ADCY6: variants seen among roughly 807,000 people sequenced by gnomAD.
ADCY6 encodes adenylate cyclase 6, also known as adenylate cyclase type 6.
A neutral mutation model predicts 111.6 loss-of-function variants in ADCY6; 59 were observed. The ratio of observed to expected loss-of-function variants is 0.53; its 90% CI spans 0.43 to 0.66. The LOEUF is 0.66. ADCY6 is among the 30% of genes least tolerant of loss of function. The pLI is 0.00. For synonymous variants in ADCY6, 576 were observed against 642.9 expected, an observed-to-expected ratio of 0.90 and a Z score of 1.57; for missense variants, 1,242 against 1,595.6, an observed-to-expected ratio of 0.78 and a Z score of 3.78.
chr12:48,784,409 C>T (rs1466503501), intron 1 of ADCY6, among the ~76,000 whole-genome samples: 1 of 152,030 alleles, frequency 6.6e-6, no homozygotes, highest in Non-Finnish European at 1.5e-5. Context: ...GAGAGAACCA[C>T]GATTCTAAAC....
chr12:48,778,178 C>T lies in ADCY6; in HGVS notation c.944G>A (p.Arg315His), dbSNP rs755215959. 8 of 1,613,968 alleles carry T rather than the reference C, an allele frequency of 5.0e-6. No homozygotes were observed. The highest frequency in any genetic ancestry group is 1.7e-5 in the Admixed American group (1 of 60,000). The change falls in exon 3 of 22, where the codon CGC becomes CAC. Residue 315 changes from arginine (R) to histidine (H), a missense_variant. This residue lies in a region of ADCY6 where 260 missense variants were observed against 414.6 expected (regional missense o/e 0.63). Transcript: ENST00000357869. ...ACCGCGGGTCTCCTGAAAGGCCTGG[C>T]GCTGAGACACCTCTGCTGGATAGTG... ...CTHYPAEVSQ[R>H]QAFQETRGYI...
intron 1 of ADCY6, among the ~76,000 whole-genome samples, chr12:48,788,276 C>T (rs1942018014): frequency 1.3e-5 from 2 of 152,162 alleles, no homozygotes; most frequent in South Asian, 4.1e-4. Flanking sequence ...CCCACCAGGT[C>T]CCTCCAGCTC....
At chr12:48,789,385 T>C (rs1942043643), upstream of ADCY6, among the ~76,000 whole-genome samples, 1 of 151,832 alleles carries the variant, frequency 6.6e-6, no homozygotes, top group Non-Finnish European at 1.5e-5. Context: ...CCCCTTCCCT[T>C]CACCCCGGCC....
Position 48,771,385 on chromosome 12 carries a change from C to A in ADCY6, c.3051+325G>T. The stretch of plus-strand genomic sequence containing the variant: ...TTTCTCTATTCAGAGGACCATCTTG[C>A]TTGGTTGGTCTCATGAGGTTCTGTC... On this transcript the variant is annotated intron_variant, in intron 19 of 21. Coordinates refer to ENST00000357869, the MANE Select transcript of ADCY6 (RefSeq NM_015270.5). This position sits in a 1 kb window ranked among gnomAD's most constrained non-coding sequence, Gnocchi z 4.3. 2.0e-6 allele frequency: 1 copy of A among 510,370 alleles called. No homozygotes were observed. The highest frequency in any genetic ancestry group is 3.6e-6 in the Non-Finnish European group (1 of 279,408). The allele number at this position is 510,370 out of a possible 1,614,324, so 31.6% of individuals were successfully genotyped here. A position where few individuals can be genotyped will look rare whatever the true frequency, so the allele number is the denominator to read the frequency against.
chr12:48,775,993 C>A lies in ADCY6; in HGVS notation c.1776G>T (p.Arg592=), dbSNP rs748056018. The change falls in exon 9 of 22, where the codon CGG becomes CGT. Residue 592 remains arginine (R), a synonymous_variant. Coordinates refer to ENST00000357869, the MANE Select transcript of ADCY6 (RefSeq NM_015270.5). ...PRWVPDRAFS[R]TKDSKAFRQM... ...GGCGGAAGGCCTTGGAGTCCTTGGT[C>A]CGGGAGAAGGCACGATCAGGAACCC... is the stretch of plus-strand genomic sequence containing the variant. The A allele has an allele frequency of 1.2e-6, 2 of 1,609,812 alleles. No homozygotes were observed. Among genetic ancestry groups the A allele is most frequent in the African/African-American group, 2.7e-5 (2 of 74,840 alleles).
At chr12:48,778,317 C>T (rs897468417) in intron 2 of ADCY6, 60 bp from the exon 3 acceptor site, 2 of 1,601,650 alleles carry the variant, frequency 1.2e-6, no homozygotes, top group Non-Finnish European at 1.7e-6. Context: ...CCTAAACACA[C>T]ACACACATTC....
intron 20 of ADCY6, among the ~76,000 whole-genome samples, chr12:48,769,759 GTT>G (rs1238353646): frequency 5.8e-5 from 6 of 103,780 alleles, no homozygotes; most frequent in Admixed American, 3.0e-4. Flanking sequence ...ACTAATTTTT[GTT>G]TTTTTTTTTT....
rs143958339 is a variant in ADCY6 at position 48,771,867 on chromosome 12, C to A, written c.2894G>T (p.Arg965Leu). ...CTGATAGTAGAGTTCATCATTGCGGCGCTCCCGGGCCAGGAAGTGGGCCGC... is the reference window on the plus strand; with the variant it reads ...CTGATAGTAGAGTTCATCATTGCGGAGCTCCCGGGCCAGGAAGTGGGCCGC... ...DVAAHFLARERRNDELYYQSC... is the reference protein window; with the variant it reads ...DVAAHFLARELRNDELYYQSC... Residue 965 changes from arginine to leucine, a missense_variant, in exon 19 of 22, where the codon CGC becomes CTC. Coordinates refer to ENST00000357869, the MANE Select transcript of ADCY6 (RefSeq NM_015270.5). This position sits in a 1 kb window ranked among gnomAD's most constrained non-coding sequence, Gnocchi z 4.3. 2 of 1,614,160 alleles carry A rather than the reference C, an allele frequency of 1.2e-6. No homozygotes were observed. Among genetic ancestry groups the A allele is most frequent in the African/African-American group, 1.3e-5 (1 of 75,038 alleles).
chr12:48,767,454 G>C lies in ADCY6; in HGVS notation c.*1137C>G, dbSNP rs1301043391. The C allele has an allele frequency of 2.6e-5, 4 of 152,896 alleles. No individual in the cohort carries two copies. Among genetic ancestry groups the C allele is most frequent in the African/African-American group, 9.7e-5 (4 of 41,442 alleles). The allele number at this position is 152,896 out of a possible 1,614,324, so 9.5% of individuals were successfully genotyped here. On this transcript the variant is annotated 3_prime_UTR_variant, in exon 22 of 22. Coordinates refer to ENST00000357869, the MANE Select transcript of ADCY6 (RefSeq NM_015270.5). ...CCAGAAGACAGAGGCCCACAGGAGAGAGGCAACCTGGGGTGGAGAGCTGAG... is the reference window on the plus strand; with the variant it reads ...CCAGAAGACAGAGGCCCACAGGAGACAGGCAACCTGGGGTGGAGAGCTGAG...
intron 1 of ADCY6, among the ~76,000 whole-genome samples, chr12:48,787,974 GC>G: frequency 6.6e-6 from 1 of 152,240 alleles, no homozygotes; most frequent in African/African-American, 2.4e-5. Context: ...CATCCCCAGG[GC>G]CCATCTGCCC....
chr12:48,783,730 G>T (rs2137390856), intron 1 of ADCY6: 3 of 501,654 alleles, frequency 6.0e-6, no homozygotes, highest in South Asian at 2.4e-5. Flanking sequence ...ATGGCTTAAG[G>T]CTAGGAATGT....
rs1247561512 is a variant in ADCY6, at chr12:48,768,230, CCAGA to C, written c.*357_*360del. On this transcript the variant is annotated 3_prime_UTR_variant, in exon 22 of 22. Coordinates refer to ENST00000357869, the MANE Select transcript of ADCY6 (RefSeq NM_015270.5). ...AAGGGCTCAGCCCTGAACCTGCTGC[CCAGA>C]CAGACAGGGAAGGGTAGGCATGGCA... 2.8e-6 allele frequency: 1 copy of C among 353,914 alleles called. No homozygotes were observed. Among genetic ancestry groups the C allele is most frequent in the Non-Finnish European group, 5.3e-6 (1 of 187,304 alleles). The allele number at this position is 353,914 out of a possible 1,614,324, so 21.9% of individuals were successfully genotyped here. A position where few individuals can be genotyped will look rare whatever the true frequency, so the allele number is the denominator to read the frequency against.
chr12:48,779,097 G>A (rs546598566), intron 2 of ADCY6, among the ~76,000 whole-genome samples: 2 of 151,966 alleles, frequency 1.3e-5, no homozygotes, highest in East Asian at 3.9e-4. Context: ...GGTCAGGCTG[G>A]TCTTGAACTC....
At position 48,771,304 on chromosome 12, in the gene ADCY6, G is replaced by GT. The variant is rs1465788557; in HGVS notation, c.3052-335_3052-334insA. On this transcript the variant is annotated intron_variant, in intron 19 of 21. Coordinates refer to ENST00000357869, the MANE Select transcript of ADCY6 (RefSeq NM_015270.5). The surrounding 1 kb of genome is among the most constrained non-coding windows in gnomAD (Gnocchi z 4.3). The stretch of plus-strand genomic sequence containing the variant: ...GCAAGTGACTTCCCTCCAGAACAGT[G>GT]AACAGCCCATTCCTGATCTGGATGT... 2 of 481,946 alleles carry GT rather than the reference G, an allele frequency of 4.1e-6. No individual in the cohort carries two copies. 29.9% of individuals were successfully genotyped at this position (481,946 alleles called of 1,614,324 possible). A position where few individuals can be genotyped will look rare whatever the true frequency, so the allele number is the denominator to read the frequency against.
chr12:48,788,148 A>G (rs983180783), intron 1 of ADCY6, among the ~76,000 whole-genome samples: 1 of 152,066 alleles, frequency 6.6e-6, no homozygotes, highest in Non-Finnish European at 1.5e-5. Flanking sequence ...GATGTAGAGG[A>G]GCCTACCCAG....
At chr12:48,768,907 C>G (rs1941447142) in intron 21 of ADCY6, 30 bp downstream of exon 21, 1 of 1,588,800 alleles carries the variant, frequency 6.3e-7, no homozygotes, top group Non-Finnish European at 8.6e-7. Context: ...GGCCCATGTT[C>G]CTCCCAGCCC....
chr12:48,783,290 C>T lies in ADCY6; in HGVS notation c.145G>A (p.Asp49Asn), dbSNP rs561785503. The change falls in exon 2 of 22, where the codon GAT (aspartate) becomes AAT (asparagine). Residue 49 changes from aspartate (D) to asparagine (N), a missense_variant. This residue lies in a region of ADCY6 where 362 missense variants were observed against 377.2 expected (regional missense o/e 0.96). Coordinates refer to ENST00000357869, the MANE Select transcript of ADCY6 (RefSeq NM_015270.5). ...CTPRYMSCLRDAEPPSPTPAG... is the reference protein window; with the variant it reads ...CTPRYMSCLRNAEPPSPTPAG... ...GGGGTGGGGCTGGGTGGCTCTGCATCCCGGAGGCAGCTCATATAGCGGGGC... is the reference window on the plus strand; with the variant it reads ...GGGGTGGGGCTGGGTGGCTCTGCATTCCGGAGGCAGCTCATATAGCGGGGC... The T allele has an allele frequency of 1.7e-5, 28 of 1,612,848 alleles. No homozygotes were observed. In the South Asian group the frequency reaches 3.0e-4, roughly 17 times the overall value.
rs376220809 is a variant in ADCY6 at position 48,777,157 on chromosome 12, G to A, written c.1323C>T (p.Ala441=). Residue 441 remains alanine, a synonymous_variant, in exon 6 of 22, where the codon GCC becomes GCT. Transcript: ENST00000357869. This position sits in a 1 kb window ranked among gnomAD's most constrained non-coding sequence, Gnocchi z 4.9. ...TCTCCACACAGCAGTGGGCATGGTCGGCCCGGGCCTCCGGCAGCCCTGACA... is the reference window on the plus strand; with the variant it reads ...TCTCCACACAGCAGTGGGCATGGTCAGCCCGGGCCTCCGGCAGCCCTGACA... The part of the protein sequence containing the change: ...YCVSGLPEAR[A]DHAHCCVEMG... 168 of 1,613,848 alleles carry A rather than the reference G, an allele frequency of 1.0e-4. No homozygotes were observed. The highest frequency in any genetic ancestry group is 1.7e-4 in the Middle Eastern group (1 of 6,058).
chr12:48,774,018 G>A lies in ADCY6; in HGVS notation c.2364C>T (p.His788=), dbSNP rs566942668. The change falls in exon 15 of 22, where the codon CAC becomes CAT. Residue 788 remains histidine, a synonymous_variant. Transcript: ENST00000357869. ...CCAGAGAGTAATTGAGCTGCTGCAG[G>A]TGGCAGGCAGTGATGTCAGCAGGTG... ...NLTPADITAC[H]LQQLNYSLGL... 1.2e-6 allele frequency: 2 copies of A among 1,613,396 alleles called. No homozygotes were observed. The highest frequency in any genetic ancestry group is 1.7e-6 in the Non-Finnish European group (2 of 1,179,692).
Sources: allele counts gnomAD v4.1 joint callset (sites outside exome capture counted in the v4.1 genomes callset), GRCh38; gene constraint gnomAD v4.1.1; regional missense constraint gnomAD v4.1.1; non-coding constraint Gnocchi (gnomAD v3.1); transcripts MANE v1.5; gene names NCBI Gene and HGNC (gene_info 2026-07-23, HGNC 2026-07-21).